The following RAB35 variants were observed in gnomAD, a reference collection of about 807,000 sequenced individuals.
RAB35 encodes the protein ras-related protein Rab-35.
Under a neutral mutation model 28.9 loss-of-function variants are expected in RAB35, and 4 were observed. That is an observed-to-expected ratio of 0.14 (90% CI 0.07 to 0.32). The LOEUF (loss-of-function observed/expected upper bound fraction) is 0.32. Among genes scored for constraint, RAB35 ranks in the 10% least tolerant of loss-of-function variants. The probability of loss-of-function intolerance (pLI) is 1.00; values close to 1 mark genes in which losing one functional copy is unlikely to be tolerated. For missense variants in RAB35, 128 were observed against 274.0 expected (o/e 0.47, Z 3.76); for synonymous variants, 99 against 105.1 (o/e 0.94, Z 0.35).
At chr12:120,098,710 A>T (rs1177434537) in intron 5 of RAB35, 101 bp downstream of exon 5, 1 of 1,514,056 alleles carries the variant, frequency 6.6e-7, no homozygotes, top group Non-Finnish European at 8.9e-7. Flanking sequence ...GGCAGTTACT[A>T]TGACATTTTC....
At chr12:120,112,882 G>A (rs923184324) in intron 1 of RAB35, among the ~76,000 whole-genome samples, 4 of 147,772 alleles carry the variant, frequency 2.7e-5, no homozygotes, top group African/African-American at 1.0e-4. Flanking sequence ...GCACCACCAC[G>A]CCCAACTGAT....
In RAB35 at chr12:120,116,676, C is replaced by T; in HGVS notation, c.-26G>A. The T allele has an allele frequency of 8.2e-7, 1 of 1,220,414 alleles. No homozygotes were observed. Among genetic ancestry groups the T allele is most frequent in the South Asian group, 4.1e-5 (1 of 24,268 alleles). The allele number at this position is 1,220,414 out of a possible 1,614,324, so 75.6% of individuals were successfully genotyped here. A position where few individuals can be genotyped will look rare whatever the true frequency, so the allele number is the denominator to read the frequency against. On this transcript the variant is annotated 5_prime_UTR_variant, in exon 1 of 6. Coordinates refer to ENST00000229340, the MANE Select transcript of RAB35 (RefSeq NM_006861.7). ...GGCGGGCGGGGGCGGTGCGCGCGGGCGGGCGGGGTCGGTACTGGCCTCGCG... is the reference window on the plus strand; with the variant it reads ...GGCGGGCGGGGGCGGTGCGCGCGGGTGGGCGGGGTCGGTACTGGCCTCGCG...
At chr12:120,110,159 A>C (rs183307215) in intron 1 of RAB35, among the ~76,000 whole-genome samples, 1 of 152,226 alleles carries the variant, frequency 6.6e-6, no homozygotes, top group East Asian at 1.9e-4. Context: ...GTTTGGAAAA[A>C]ATGACCTGTG....
intron 1 of RAB35, among the ~76,000 whole-genome samples, chr12:120,110,289 C>CCTTTTTTTTTTTTTT (rs1430969524): frequency 8.0e-5 from 2 of 24,966 alleles, no homozygotes; most frequent in East Asian, 5.3e-3. Context: ...AAGCCCACAG[C>CCTTTTTTTTTTTTTT]ATTTTTTTTT....
chr12:120,111,524 T>C (rs2139061704), intron 1 of RAB35, among the ~76,000 whole-genome samples: 1 of 151,870 alleles, frequency 6.6e-6, no homozygotes, highest in Non-Finnish European at 1.5e-5. Context: ...CTAGTAAAAA[T>C]ACAAAAATTA....
At chr12:120,115,200 T>C (rs963674912) in intron 1 of RAB35, among the ~76,000 whole-genome samples, 2 of 151,406 alleles carry the variant, frequency 1.3e-5, no homozygotes, top group Admixed American at 6.6e-5. Context: ...ACCTCAGCCA[T>C]CCTTCACCTG....
intron 2 of RAB35, among the ~76,000 whole-genome samples, chr12:120,104,791 G>A (rs1164058945): frequency 7.9e-5 from 12 of 152,148 alleles, no homozygotes; most frequent in Admixed American, 6.5e-4. Flanking sequence ...GCGCCACCAC[G>A]CCCGGCTAAT....
rs185968828 is a variant in RAB35, at chr12:120,100,736, C to T, written c.228-1582G>A. On this transcript the variant is annotated intron_variant, in intron 3 of 5. Coordinates refer to ENST00000229340, the MANE Select transcript of RAB35 (RefSeq NM_006861.7). ...CACAGCTTTGCTTCCAGGGCAGCGT[C>T]GCTCCTTGGCTTCGGGGTAGCTGTG... Among the ~76,000 whole-genome samples, 32 of 152,326 alleles carry T rather than the reference C, an allele frequency of 2.1e-4. No homozygotes were observed. In the East Asian group the frequency reaches 4.6e-3, roughly 22 times the overall value.
intron 3 of RAB35, 53 bp from the exon 4 acceptor site, chr12:120,099,207 T>C (rs965145980): frequency 7.5e-6 from 12 of 1,608,954 alleles, no homozygotes; most frequent in Admixed American, 6.7e-5. Flanking sequence ...AGTCACCCCC[T>C]TGCCGGGACC....
At position 120,103,336 on chromosome 12, in the gene RAB35, G is replaced by A. The variant is rs1875735570; in HGVS notation, c.227+490C>T. Among the ~76,000 whole-genome samples, 1 of 152,194 alleles carries A rather than the reference G, an allele frequency of 6.6e-6. No homozygotes were observed. Among genetic ancestry groups the A allele is most frequent in the Admixed American group, 6.5e-5 (1 of 15,272 alleles). ...CAGCTTTAAGGGTAGGGAAGGGCCT[G>A]CTGACATGCACCGTGTTCGTCTCTA... On this transcript the variant is annotated intron_variant, in intron 3 of 5. Transcript: ENST00000229340. The surrounding 1 kb of genome is among the most constrained non-coding windows in gnomAD (Gnocchi z 6.1).
chr12:120,103,851 C>T lies in RAB35; in HGVS notation c.202G>A (p.Glu68Lys). Residue 68 changes from glutamate to lysine, a missense_variant, in exon 3 of 6, where the codon GAG becomes AAG. Physicochemically the swap from Glu to Lys is moderately conservative, Grantham distance 56. Coordinates refer to ENST00000229340, the MANE Select transcript of RAB35 (RefSeq NM_006861.7). The surrounding 1 kb of genome is among the most constrained non-coding windows in gnomAD (Gnocchi z 6.1). ...KLQIWDTAGQ[E>K]RFRTITSTYY... Reference sequence around the variant, plus strand: ...GTGGAGGTGATGGTGCGGAAGCGCTCCTGCCCCGCTGTGTCCCAGATCTGC... The same window carrying T: ...GTGGAGGTGATGGTGCGGAAGCGCTTCTGCCCCGCTGTGTCCCAGATCTGC... 6.2e-7 allele frequency: 1 copy of T among 1,614,132 alleles called. No homozygotes were observed. The highest frequency in any genetic ancestry group is 8.5e-7 in the Non-Finnish European group (1 of 1,180,016).
chr12:120,105,063 C>T (rs1271541709), intron 2 of RAB35, among the ~76,000 whole-genome samples: 1 of 151,834 alleles, frequency 6.6e-6, no homozygotes, highest in African/African-American at 2.4e-5. Flanking sequence ...CAGGAGACAC[C>T]ACACACACAC....
rs1354771653 is a variant in RAB35 at position 120,116,736 on chromosome 12, C to G, written c.-86G>C. ...TCCCTTCGGGCTGCTCCGGCAGCGG[C>G]GGATCCACTTCCCGAACAAACAGCC... On this transcript the variant is annotated 5_prime_UTR_variant, in exon 1 of 6. Transcript: ENST00000229340. 1 of 1,199,716 alleles carries G rather than the reference C, an allele frequency of 8.3e-7. No homozygotes were observed. The highest frequency in any genetic ancestry group is 1.0e-6 in the Non-Finnish European group (1 of 966,226). The allele number at this position is 1,199,716 out of a possible 1,614,324, so 74.3% of individuals were successfully genotyped here.
At position 120,116,564 on chromosome 12, in the gene RAB35, GGGCCCGCGCCGCCTCCGGCCGCTGC is replaced by G. The variant is rs1258299280; in HGVS notation, c.52+10_52+34del. On this transcript the variant is annotated intron_variant, in intron 1 of 5. Transcript: ENST00000229340. ...AGGCCCCCGCGGGCCGCGCCCGGCAGGGCCCGCGCCGCCTCCGGCCGCTGCGGCCCTCACCGCTGTCGCCGATGAT... is the reference window on the plus strand; with the variant it reads ...AGGCCCCCGCGGGCCGCGCCCGGCAGGGCCCTCACCGCTGTCGCCGATGAT... The G allele has an allele frequency of 9.1e-7, 1 of 1,103,980 alleles. No homozygotes were observed. The highest frequency in any genetic ancestry group is 1.1e-6 in the Non-Finnish European group (1 of 906,332). The allele number at this position is 1,103,980 out of a possible 1,614,324, so 68.4% of individuals were successfully genotyped here. A position where few individuals can be genotyped will look rare whatever the true frequency, so the allele number is the denominator to read the frequency against.
At position 120,103,754 on chromosome 12, in the gene RAB35, C is replaced by T; in HGVS notation, c.227+72G>A. The T allele has an allele frequency of 6.3e-7, 1 of 1,577,556 alleles. No homozygotes were observed. The highest frequency in any genetic ancestry group is 8.6e-7 in the Non-Finnish European group (1 of 1,159,766). ...CCACCAGTGACATTTCCACCATGACCAGGCACCGGTCGCTCAACTGTGTCC... is the reference window on the plus strand; with the variant it reads ...CCACCAGTGACATTTCCACCATGACTAGGCACCGGTCGCTCAACTGTGTCC... On this transcript the variant is annotated intron_variant, in intron 3 of 5. Transcript: ENST00000229340. The surrounding 1 kb of genome is among the most constrained non-coding windows in gnomAD (Gnocchi z 6.1).
chr12:120,110,710 C>T (rs1346220624), intron 1 of RAB35, among the ~76,000 whole-genome samples: 1 of 152,232 alleles, frequency 6.6e-6, no homozygotes, highest in Non-Finnish European at 1.5e-5. Context: ...GGGAGCTTCT[C>T]CTGGTGAGTG....
chr12:120,111,068 C>A (rs1288892054), intron 1 of RAB35, among the ~76,000 whole-genome samples: 1 of 152,242 alleles, frequency 6.6e-6, no homozygotes, highest in Non-Finnish European at 1.5e-5. Flanking sequence ...TCGCCTCACC[C>A]GCCCTGTGCA....
chr12:120,114,772 C>T (rs1250787675), intron 1 of RAB35, among the ~76,000 whole-genome samples: 1 of 152,224 alleles, frequency 6.6e-6, no homozygotes, highest in African/African-American at 2.4e-5. Context: ...GGGCCAAACC[C>T]ATCCCCTGGG....
chr12:120,116,532 C>G lies in RAB35; in HGVS notation c.52+67G>C, dbSNP rs1318351548. ...GGCCGGCACCTCCCCGCCCGCCTGC[C>G]GCCCCGAGGCCCCCGCGGGCCGCGC... On this transcript the variant is annotated intron_variant, in intron 1 of 5. Coordinates refer to ENST00000229340, the MANE Select transcript of RAB35 (RefSeq NM_006861.7). The G allele has an allele frequency of 3.1e-6, 3 of 963,572 alleles. No homozygotes were observed. The South Asian group carries it at 1.4e-4, about 46-fold the overall frequency. The allele number at this position is 963,572 out of a possible 1,614,324, so 59.7% of individuals were successfully genotyped here.
Sources: gnomAD v4.1 joint callset for allele counts (sites outside exome capture counted in the v4.1 genomes callset) on GRCh38, gnomAD v4.1.1 for gene constraint, Gnocchi (gnomAD v3.1) non-coding constraint, MANE v1.5 for transcripts, NCBI Gene and HGNC (gene_info 2026-07-23, HGNC 2026-07-21) for gene names.